SLC7A14: variants seen among roughly 807,000 people sequenced by gnomAD.
SLC7A14 encodes the protein solute carrier family 7 member 14.
A neutral mutation model predicts 60.2 loss-of-function variants in SLC7A14; 37 were observed. The observed-to-expected ratio is 0.61, with a 90% confidence interval of 0.47 to 0.81. The LOEUF is 0.81. Among genes scored for constraint, SLC7A14 ranks in the 30% least tolerant of loss-of-function variants. SLC7A14 has a pLI of 0.00. For missense variants in SLC7A14, 886 were observed against 982.7 expected (o/e 0.90, Z 1.32); for synonymous variants, 399 against 395.8 (o/e 1.01, Z -0.10).
At chr3:170,517,698 G>A (rs1278903447) in intron 2 of SLC7A14, among the ~76,000 whole-genome samples, 1 of 152,174 alleles carries the variant, frequency 6.6e-6, no homozygotes. Context: ...AGGAGGTTGG[G>A]AACCTGTGGA....
intron 7 of SLC7A14, among the ~76,000 whole-genome samples, chr3:170,479,771 A>G (rs991634295): frequency 1.3e-5 from 2 of 152,252 alleles, no homozygotes; most frequent in African/African-American, 4.8e-5. Flanking sequence ...ATGTTAAATG[A>G]TGCCATGATT....
chr3:170,573,809 C>A (rs1715014773), intron 1 of SLC7A14, among the ~76,000 whole-genome samples: 1 of 152,196 alleles, frequency 6.6e-6, no homozygotes, highest in Admixed American at 6.5e-5. Context: ...GCACATTTCA[C>A]AAGACTGTCT....
At chr3:170,508,221 G>GA (rs1297897989) in intron 2 of SLC7A14, among the ~76,000 whole-genome samples, 2 of 152,142 alleles carry the variant, frequency 1.3e-5, no homozygotes, top group African/African-American at 4.8e-5. Context: ...AAACAGACCA[G>GA]AAAACCAACC....
Position 170,480,866 on chromosome 3 carries a change from C to T in SLC7A14, c.1416G>A (p.Glu472=). Residue 472 remains glutamate (E), a synonymous_variant, in exon 7 of 8, where the codon GAG becomes GAA. Transcript: ENST00000231706. The part of the protein sequence containing the change: ...EACSPVSEGD[E]FSGPATNTCG... ...ATGTGTTGGTGGCTGGGCCAGAAAA[C>T]TCATCCCCCTCACTCACAGGAGAAC... 6.2e-7 allele frequency: 1 copy of T among 1,614,080 alleles called. No homozygotes were observed. The highest frequency in any genetic ancestry group is 8.5e-7 in the Non-Finnish European group (1 of 1,180,020).
chr3:170,564,172 A>C (rs1714734598), intron 1 of SLC7A14, among the ~76,000 whole-genome samples: 2 of 152,118 alleles, frequency 1.3e-5, no homozygotes. Flanking sequence ...AGTGAATGCT[A>C]CCTAAGCCAG....
chr3:170,489,632 T>A (rs1577507335), intron 4 of SLC7A14, among the ~76,000 whole-genome samples: 1 of 152,378 alleles, frequency 6.6e-6, no homozygotes, highest in South Asian at 2.1e-4. Context: ...AAGAGATATC[T>A]GCATTCCTAT....
chr3:170,566,445 T>C (rs1714790763), intron 1 of SLC7A14, among the ~76,000 whole-genome samples: 1 of 152,140 alleles, frequency 6.6e-6, no homozygotes. Context: ...TGCCAACAAA[T>C]AGCAAAAATG....
intron 1 of SLC7A14, among the ~76,000 whole-genome samples, chr3:170,534,682 T>A (rs771976812): frequency 6.6e-6 from 1 of 152,318 alleles, no homozygotes; most frequent in Non-Finnish European, 1.5e-5. Flanking sequence ...AAATAATGAT[T>A]GCCTGTAAAT....
At chr3:170,479,300 A>G (rs1487366534) in intron 7 of SLC7A14, among the ~76,000 whole-genome samples, 1 of 152,174 alleles carries the variant, frequency 6.6e-6, no homozygotes, top group Non-Finnish European at 1.5e-5. Flanking sequence ...AGAATTTGTT[A>G]TCAGAGACCC....
chr3:170,545,162 G>A (rs1439537966), intron 1 of SLC7A14, among the ~76,000 whole-genome samples: 1 of 152,212 alleles, frequency 6.6e-6, no homozygotes, highest in African/African-American at 2.4e-5. Context: ...GAAAGGTGTG[G>A]TATCCTTTAC....
intron 2 of SLC7A14, among the ~76,000 whole-genome samples, chr3:170,516,558 C>CAA (rs11414998): frequency 0.031 from 4,538 of 145,348 alleles, 150 homozygotes; most frequent in African/African-American, 0.08. Flanking sequence ...CCTGTCTCTA[C>CAA]AAAAAAAAAA....
intron 2 of SLC7A14, among the ~76,000 whole-genome samples, chr3:170,519,273 T>C (rs567830891): frequency 6.6e-6 from 1 of 152,330 alleles, no homozygotes; most frequent in Non-Finnish European, 1.5e-5. Flanking sequence ...ACTGGAAGGC[T>C]TCAGGGTTTT....
At chr3:170,540,108 G>A (rs1223776328) in intron 1 of SLC7A14, among the ~76,000 whole-genome samples, 1 of 152,166 alleles carries the variant, frequency 6.6e-6, no homozygotes, top group Non-Finnish European at 1.5e-5. Context: ...AATGATTCAT[G>A]TCCTGGGTGG....
At position 170,526,943 on chromosome 3, in the gene SLC7A14, C is replaced by T; in HGVS notation, c.-7G>A. On this transcript the variant is annotated 5_prime_UTR_variant, in exon 2 of 8. Transcript: ENST00000231706. The stretch of plus-strand genomic sequence containing the variant: ...AGGTGAAGAAGCCACTCATCTTGAG[C>T]GATAGGGGATGCAGTGAAGGTCAGC... 2 of 1,609,990 alleles carry T rather than the reference C, an allele frequency of 1.2e-6. No individual in the cohort carries two copies. Among genetic ancestry groups the T allele is most frequent in the East Asian group, 2.2e-5 (1 of 44,776 alleles).
chr3:170,524,536 G>C (rs1161825243), intron 2 of SLC7A14, among the ~76,000 whole-genome samples: 1 of 152,186 alleles, frequency 6.6e-6, no homozygotes, highest in African/African-American at 2.4e-5. Context: ...ATTGAAAACT[G>C]TGTAGTCTTC....
At chr3:170,554,873 A>G (rs1227675257) in intron 1 of SLC7A14, among the ~76,000 whole-genome samples, 1 of 152,220 alleles carries the variant, frequency 6.6e-6, no homozygotes, top group Non-Finnish European at 1.5e-5. Context: ...ACTTTTAAAA[A>G]AATATTGCTT....
intron 1 of SLC7A14, among the ~76,000 whole-genome samples, chr3:170,534,008 C>A (rs1713762049): frequency 6.6e-6 from 1 of 152,174 alleles, no homozygotes; most frequent in Non-Finnish European, 1.5e-5. Context: ...TTTAGCTATG[C>A]AAATAAGATT....
intron 1 of SLC7A14, among the ~76,000 whole-genome samples, chr3:170,536,171 G>A (rs1713833122): frequency 6.6e-6 from 1 of 152,188 alleles, no homozygotes; most frequent in Admixed American, 6.5e-5. Flanking sequence ...AACCTGTCAT[G>A]AGGATTTAAT....
chr3:170,551,377 T>A (rs1714347886), intron 1 of SLC7A14, among the ~76,000 whole-genome samples: 1 of 152,204 alleles, frequency 6.6e-6, no homozygotes, highest in African/African-American at 2.4e-5. Context: ...TGTACAGATT[T>A]TTGTGTGGAC....
Sources: allele counts gnomAD v4.1 joint callset (sites outside exome capture counted in the v4.1 genomes callset), GRCh38; gene constraint gnomAD v4.1.1; transcripts MANE v1.5; gene names NCBI Gene and HGNC (gene_info 2026-07-23, HGNC 2026-07-21).